Variants in ZNF146 observed in about 807,000 individuals in gnomAD.
ZNF146 encodes the protein zinc finger protein 146.
ZNF146 carries 9 observed loss-of-function variants against 22.2 expected under a neutral mutation model. The observed-to-expected ratio is 0.41, with a 90% CI of 0.24 to 0.71. The LOEUF is 0.71. ZNF146 is among the 30% of genes least tolerant of loss of function. The probability of loss-of-function intolerance (pLI) is 0.34; values close to 1 mark genes in which losing one functional copy is unlikely to be tolerated. For synonymous variants in ZNF146, 108 were observed against 119.2 expected, an observed-to-expected ratio of 0.91 and a Z score of 0.61; for missense variants, 194 against 344.8, an observed-to-expected ratio of 0.56 and a Z score of 3.46.
intron 1 of ZNF146, among the ~76,000 whole-genome samples, chr19:36,215,442 C>T (rs998572018): frequency 6.6e-6 from 1 of 151,996 alleles, no homozygotes; most frequent in East Asian, 1.9e-4. Context: ...GTGATTGTGC[C>T]TAAGAGGGAG....
chr19:36,233,933 C>T (rs1438468586), intron 3 of ZNF146, among the ~76,000 whole-genome samples: 2 of 152,230 alleles, frequency 1.3e-5, no homozygotes, highest in African/African-American at 2.4e-5. Context: ...GACTGGGGGA[C>T]GGTCAGGTCT....
rs1977626515 is a variant in ZNF146 at position 36,235,845 on chromosome 19, T to C, written c.-596T>C. The C allele has an allele frequency of 6.6e-6, 1 of 152,258 alleles. No individual in the cohort carries two copies. The highest frequency in any genetic ancestry group is 2.4e-5 in the African/African-American group (1 of 41,462). The allele number at this position is 152,258 out of a possible 1,614,324, so 9.4% of individuals were successfully genotyped here. A position where few individuals can be genotyped will look rare whatever the true frequency, so the allele number is the denominator to read the frequency against. On this transcript the variant is annotated 5_prime_UTR_variant, in exon 4 of 4. Transcript: ENST00000443387. ...GCCACACCTTTTTGAAGTTTTCAGT[T>C]TGAAACACAACCTGGACTGAAATCA... is the stretch of plus-strand genomic sequence containing the variant.
rs1377642298 is a variant in ZNF146 at position 36,215,166 on chromosome 19, C to A, written c.-959C>A. On this transcript the variant is annotated 5_prime_UTR_variant, in exon 1 of 4. Transcript: ENST00000443387. ...GGTCTTTGTCCGCGGGTCAGTACGG[C>A]CCCTGGGTCCACGTGGCGCGAAAGT... is the stretch of plus-strand genomic sequence containing the variant. 6.6e-6 allele frequency: 1 copy of A among 152,352 alleles called. No homozygotes were observed. Among genetic ancestry groups the A allele is most frequent in the Admixed American group, 6.5e-5 (1 of 15,288 alleles). The allele number at this position is 152,352 out of a possible 1,614,324, so 9.4% of individuals were successfully genotyped here.
rs1405153307 is a variant in ZNF146 at position 36,236,930 on chromosome 19, G to A, written c.490G>A (p.Ala164Thr). 6.2e-7 allele frequency: 1 copy of A among 1,614,030 alleles called. No individual in the cohort carries two copies. Among genetic ancestry groups the A allele is most frequent in the Non-Finnish European group, 8.5e-7 (1 of 1,180,036 alleles). ...TTTTAAATGTAGTGAATGTGGAACAGCCTTTGGCCAGAAGAAGTACCTCAT... is the reference window on the plus strand; with the variant it reads ...TTTTAAATGTAGTGAATGTGGAACAACCTTTGGCCAGAAGAAGTACCTCAT... Reference protein sequence around the residue: ...KPFKCSECGTAFGQKKYLIKH... With the variant: ...KPFKCSECGTTFGQKKYLIKH... Residue 164 changes from alanine (A) to threonine (T), a missense_variant, in exon 4 of 4, where the codon GCC (alanine) becomes ACC (threonine). Transcript: ENST00000443387.
intron 1 of ZNF146, among the ~76,000 whole-genome samples, chr19:36,215,615 A>G (rs1976568386): frequency 6.6e-6 from 1 of 152,166 alleles, no homozygotes; most frequent in South Asian, 2.1e-4. Context: ...GTTTTTATAT[A>G]AAAGCATTTC....
intron 2 of ZNF146, among the ~76,000 whole-genome samples, chr19:36,224,274 C>T (rs1466142317): frequency 1.3e-5 from 2 of 152,068 alleles, no homozygotes; most frequent in African/African-American, 2.4e-5. Context: ...CCCAGCTATT[C>T]GGAGGCTGAG....
In ZNF146 at chr19:36,237,688, T is replaced by C. The variant is rs1977694822; in HGVS notation, c.*369T>C. The C allele has an allele frequency of 5.3e-6, 1 of 187,230 alleles. No homozygotes were observed. The highest frequency in any genetic ancestry group is 1.2e-5 in the Non-Finnish European group (1 of 80,848). 11.6% of individuals were successfully genotyped at this position (187,230 alleles called of 1,614,324 possible). A position where few individuals can be genotyped will look rare whatever the true frequency, so the allele number is the denominator to read the frequency against. ...AAGGAACAGACAAAAATAGATGACATGGTCATCTACAACTAATATTAAGAC... is the reference window on the plus strand; with the variant it reads ...AAGGAACAGACAAAAATAGATGACACGGTCATCTACAACTAATATTAAGAC... On this transcript the variant is annotated 3_prime_UTR_variant, in exon 4 of 4. Transcript: ENST00000443387.
chr19:36,237,063 G>A lies in ZNF146; in HGVS notation c.623G>A (p.Gly208Asp), dbSNP rs1174986073. 6.2e-7 allele frequency: 1 copy of A among 1,614,190 alleles called. No homozygotes were observed. Among genetic ancestry groups the A allele is most frequent in the Non-Finnish European group, 8.5e-7 (1 of 1,180,038 alleles). ...ATTGTACATGTGAGGATTCATTCAG[G>A]TGATAAACCTTACGAATGCAATGTT... Reference protein sequence around the residue: ...SLIVHVRIHSGDKPYECNVCG... With the variant: ...SLIVHVRIHSDDKPYECNVCG... Residue 208 changes from glycine to aspartate, a missense_variant, in exon 4 of 4, where the codon GGT becomes GAT. Gly to Asp is a moderately conservative substitution (Grantham distance 94). This residue lies in a region of ZNF146 where 147 missense variants were observed against 300.1 expected (regional missense o/e 0.49). Coordinates refer to ENST00000443387, the MANE Select transcript of ZNF146 (RefSeq NM_007145.3).
chr19:36,216,270 G>A (rs962708313), intron 1 of ZNF146, among the ~76,000 whole-genome samples: 1 of 152,052 alleles, frequency 6.6e-6, no homozygotes, highest in Non-Finnish European at 1.5e-5. Flanking sequence ...ACTACTAAGG[G>A]GCATAACAAA....
At chr19:36,224,198 A>G (rs145950619) in intron 2 of ZNF146, among the ~76,000 whole-genome samples, 2,300 of 152,290 alleles carry the variant, frequency 0.015, 23 homozygotes, top group Non-Finnish European at 0.024. Flanking sequence ...CCTGGCCAAT[A>G]TGGAGAAACC....
intron 3 of ZNF146, among the ~76,000 whole-genome samples, chr19:36,234,185 T>A (rs531308923): frequency 2.0e-5 from 3 of 151,928 alleles, no homozygotes; most frequent in Non-Finnish European, 4.4e-5. Flanking sequence ...CATGTTTCAG[T>A]GAGCACAGGG....
intron 3 of ZNF146, among the ~76,000 whole-genome samples, chr19:36,229,289 C>G (rs1977217054): frequency 6.6e-6 from 1 of 152,230 alleles, no homozygotes; most frequent in Non-Finnish European, 1.5e-5. Context: ...CATCGTAGAT[C>G]CATGGACTCC....
intron 3 of ZNF146, among the ~76,000 whole-genome samples, chr19:36,234,055 T>C (rs1417234954): frequency 6.6e-6 from 1 of 152,152 alleles, no homozygotes; most frequent in Non-Finnish European, 1.5e-5. Context: ...GTTGTGTCTC[T>C]GGGTACTTGA....
intron 2 of ZNF146, among the ~76,000 whole-genome samples, chr19:36,220,775 G>C (rs1280925413): frequency 6.6e-6 from 1 of 151,972 alleles, no homozygotes; most frequent in Non-Finnish European, 1.5e-5. Flanking sequence ...GCTGATACTA[G>C]TAGTAACCAT....
intron 3 of ZNF146, among the ~76,000 whole-genome samples, chr19:36,230,111 A>G (rs568206006): frequency 1.3e-3 from 202 of 152,330 alleles, no homozygotes; most frequent in Non-Finnish European, 2.2e-3. Context: ...ACTTGTTTAT[A>G]TTGCTTTGCA....
At chr19:36,226,913 G>A (rs188798983) in intron 2 of ZNF146, among the ~76,000 whole-genome samples, 39 of 151,870 alleles carry the variant, frequency 2.6e-4, no homozygotes, top group Admixed American at 1.7e-3. Context: ...GAGAAACTCC[G>A]TCTCTACTGA....
chr19:36,222,423 A>T (rs1976886632), intron 2 of ZNF146, among the ~76,000 whole-genome samples: 1 of 152,220 alleles, frequency 6.6e-6, no homozygotes, highest in Admixed American at 6.5e-5. Flanking sequence ...ATACTGACAC[A>T]GGAGTAGCTC....
intron 3 of ZNF146, among the ~76,000 whole-genome samples, chr19:36,229,076 T>C (rs1403898677): frequency 1.3e-5 from 2 of 152,258 alleles, no homozygotes; most frequent in Non-Finnish European, 2.9e-5. Flanking sequence ...GTGCCGCCAC[T>C]GTGGTGGCTG....
At chr19:36,230,998 A>G (rs185258602) in intron 3 of ZNF146, among the ~76,000 whole-genome samples, 2 of 152,122 alleles carry the variant, frequency 1.3e-5, no homozygotes, top group East Asian at 3.9e-4. Flanking sequence ...TCGAGGTTTC[A>G]CCATGTTGGC....
Sources: allele counts gnomAD v4.1 joint callset (sites outside exome capture counted in the v4.1 genomes callset), GRCh38; gene constraint gnomAD v4.1.1; regional missense constraint gnomAD v4.1.1; transcripts MANE v1.5; gene names NCBI Gene and HGNC (gene_info 2026-07-23, HGNC 2026-07-21).